OGDH: variants seen among roughly 807,000 people sequenced by gnomAD.
The protein encoded by OGDH is oxoglutarate dehydrogenase.
OGDH carries 38 observed loss-of-function variants against 116.6 expected under a neutral mutation model. That is an observed-to-expected ratio of 0.33 (90% CI 0.25 to 0.43). OGDH has a LOEUF of 0.43. Among genes scored for constraint, OGDH ranks in the 20% least tolerant of loss-of-function variants. The pLI, the probability that OGDH is intolerant of heterozygous loss-of-function variation, is 1.00. For missense variants in OGDH, 825 were observed against 1,357.2 expected, an observed-to-expected ratio of 0.61 and a Z score of 6.16; for synonymous variants, 488 against 533.3, an observed-to-expected ratio of 0.92 and a Z score of 1.17.
intron 19 of OGDH, 83 bp downstream of exon 19, chr7:44,700,352 G>C: frequency 6.4e-7 from 1 of 1,562,968 alleles, no homozygotes. Flanking sequence ...AGAGCCTCTT[G>C]CTTGGGGTTA....
At chr7:44,647,594 C>T in intron 3 of OGDH, 63 bp from the exon 4 acceptor site, 3 of 1,585,968 alleles carry the variant, frequency 1.9e-6, no homozygotes, top group Admixed American at 1.7e-5. Context: ...TTACCCCTTC[C>T]CTCTTTTTTT....
chr7:44,622,799 T>C (rs1307565082), intron 1 of OGDH: 3 of 152,194 alleles, frequency 2.0e-5, no homozygotes, highest in African/African-American at 7.2e-5. Context: ...CACCTTTTTT[T>C]CCACAGGCAG....
chr7:44,615,431 C>T (rs1037527157), intron 1 of OGDH, among the ~76,000 whole-genome samples: 2 of 152,132 alleles, frequency 1.3e-5, no homozygotes, highest in Non-Finnish European at 2.9e-5. Flanking sequence ...GACTCCCTAC[C>T]TGGTCTCCAC....
At chr7:44,642,917 G>C in intron 2 of OGDH, among the ~76,000 whole-genome samples, 1 of 137,638 alleles carries the variant, frequency 7.3e-6, no homozygotes, top group Admixed American at 6.8e-5. Flanking sequence ...GCTAGACTCT[G>C]TCTCAAAAAA....
chr7:44,611,159 T>G (rs2117210339), intron 1 of OGDH, among the ~76,000 whole-genome samples: 1 of 148,520 alleles, frequency 6.7e-6, no homozygotes, highest in South Asian at 2.1e-4. Context: ...CACCGCAGCC[T>G]CAACCTCCTG....
At chr7:44,618,628 A>G (rs1273888740) in intron 1 of OGDH, among the ~76,000 whole-genome samples, 1 of 152,202 alleles carries the variant, frequency 6.6e-6, no homozygotes, top group Admixed American at 6.5e-5. Context: ...CTTCAGAGTG[A>G]TAAAGGTGGA....
At chr7:44,668,514 G>A (rs1374298545) in intron 5 of OGDH, among the ~76,000 whole-genome samples, 4 of 152,226 alleles carry the variant, frequency 2.6e-5, no homozygotes, top group African/African-American at 9.6e-5. Context: ...AGTATTGTCA[G>A]CATCTCAGCT....
intron 1 of OGDH, among the ~76,000 whole-genome samples, chr7:44,620,831 T>C (rs1784981965): frequency 1.3e-5 from 2 of 152,122 alleles, no homozygotes; most frequent in Non-Finnish European, 2.9e-5. Flanking sequence ...ATTCTTCCAA[T>C]GTGGCCCAGG....
At chr7:44,706,924 G>C (rs960494545) in intron 20 of OGDH, among the ~76,000 whole-genome samples, 2 of 152,102 alleles carry the variant, frequency 1.3e-5, no homozygotes, top group Non-Finnish European at 2.9e-5. Flanking sequence ...GCACCCGGCC[G>C]GGATGTTTTA....
chr7:44,678,778 A>G (rs969885459), intron 9 of OGDH, among the ~76,000 whole-genome samples: 4 of 152,170 alleles, frequency 2.6e-5, no homozygotes, highest in African/African-American at 9.7e-5. Context: ...CTTGACACCC[A>G]TAGGACATGA....
At chr7:44,656,392 C>T (rs1022036535) in intron 4 of OGDH, 15 of 1,533,036 alleles carry the variant, frequency 9.8e-6, no homozygotes, top group Non-Finnish European at 1.3e-5. Context: ...TTCACCTTTT[C>T]AGAGTTGAGG....
chr7:44,675,893 AT>A, intron 8 of OGDH, 76 bp from the exon 9 acceptor site: 2 of 1,453,906 alleles, frequency 1.4e-6, no homozygotes, highest in Non-Finnish European at 1.9e-6. Context: ...AAAAAAAAAA[AT>A]TCCCGTATAA....
chr7:44,690,341 G>A (rs1389785386), intron 10 of OGDH, among the ~76,000 whole-genome samples: 1 of 152,148 alleles, frequency 6.6e-6, no homozygotes, highest in Non-Finnish European at 1.5e-5. Context: ...AGAGGTGAGA[G>A]GAGAAACCAT....
At chr7:44,622,146 A>G (rs1785033861) in intron 1 of OGDH, among the ~76,000 whole-genome samples, 1 of 152,164 alleles carries the variant, frequency 6.6e-6, no homozygotes, top group African/African-American at 2.4e-5. Flanking sequence ...TTGGGTATTT[A>G]ATATTGCCTT....
chr7:44,629,935 A>C (rs1296736167), intron 2 of OGDH, among the ~76,000 whole-genome samples: 7 of 151,996 alleles, frequency 4.6e-5, no homozygotes, highest in African/African-American at 1.7e-4. Context: ...GTCAGCTCCT[A>C]AAGTGTGTAC....
chr7:44,615,578 T>G (rs1784738086), intron 1 of OGDH, among the ~76,000 whole-genome samples: 1 of 152,226 alleles, frequency 6.6e-6, no homozygotes, highest in Non-Finnish European at 1.5e-5. Context: ...GCAATTGTTG[T>G]TTAAAACTTT....
chr7:44,619,730 T>TACAAGTTTTTTTTGTGG (rs1394488120), intron 1 of OGDH, among the ~76,000 whole-genome samples: 1 of 152,214 alleles, frequency 6.6e-6, no homozygotes, highest in Non-Finnish European at 1.5e-5. Context: ...AGCATTTGTG[T>TACAAGTTTTTTTTGTGG]ACAAGTTTTT....
chr7:44,607,482 C>A (rs899340586), intron 1 of OGDH, among the ~76,000 whole-genome samples: 3 of 152,132 alleles, frequency 2.0e-5, no homozygotes, highest in Non-Finnish European at 2.9e-5. Context: ...TCTTGCAGTC[C>A]GTACTTTGAG....
intron 9 of OGDH, among the ~76,000 whole-genome samples, chr7:44,676,921 C>T (rs942515232): frequency 6.6e-6 from 1 of 151,920 alleles, no homozygotes; most frequent in South Asian, 2.1e-4. Flanking sequence ...TGATTAGAGG[C>T]GGGAGTTCAC....
Sources: gnomAD v4.1 joint callset for allele counts (sites outside exome capture counted in the v4.1 genomes callset) on GRCh38, gnomAD v4.1.1 for gene constraint, MANE v1.5 for transcripts, NCBI Gene and HGNC (gene_info 2026-07-23, HGNC 2026-07-21) for gene names.